The following SRGAP1 variants were observed in gnomAD, a reference collection of about 807,000 sequenced individuals.
SRGAP1 encodes SLIT-ROBO Rho GTPase activating protein 1.
In SRGAP1, 43 loss-of-function variants were observed where a neutral mutation model predicts 121.9. That is an observed-to-expected ratio of 0.35 (90% CI 0.28 to 0.46). SRGAP1 has a LOEUF of 0.46. SRGAP1 is among the 20% of genes least tolerant of loss of function. The pLI is 1.00. For missense variants in SRGAP1, 1,102 were observed against 1,350.9 expected (o/e 0.82, Z 2.89); for synonymous variants, 447 against 485.4 (o/e 0.92, Z 1.04).
chr12:63,949,087 CCATATATGTATTTTCCATATATATACATT>C (rs1301082216), intron 1 of SRGAP1, among the ~76,000 whole-genome samples: 379 of 90,724 alleles, frequency 4.2e-3, no homozygotes, highest in African/African-American at 0.012. Context: ...TATGTATTTT[CCATATATGTATTTTCCATATATATACATT>C]CATATATGTA....
At chr12:64,081,999 G>GTTTTTTT (rs1362308440) in intron 10 of SRGAP1, 2 of 7,510 alleles carry the variant, frequency 2.7e-4, no homozygotes. Context: ...GTCATGTAAG[G>GTTTTTTT]TCTTTTTTTT....
chr12:63,885,804 C>T (rs1900360950), intron 1 of SRGAP1, among the ~76,000 whole-genome samples: 1 of 152,168 alleles, frequency 6.6e-6, no homozygotes, highest in Non-Finnish European at 1.5e-5. Context: ...GCACCAAGGG[C>T]TATTGGAAGT....
chr12:63,868,064 TTTTTTTTTTTTTTTG>T (rs1899710943), intron 1 of SRGAP1, among the ~76,000 whole-genome samples: 2 of 94,948 alleles, frequency 2.1e-5, no homozygotes, highest in East Asian at 4.6e-4. Context: ...ATATTTTTTT[TTTTTTTTTTTTTTTG>T]TTTTTTTTTT....
chr12:64,076,881 C>T (rs1230008594), intron 8 of SRGAP1, among the ~76,000 whole-genome samples: 1 of 151,894 alleles, frequency 6.6e-6, no homozygotes, highest in Non-Finnish European at 1.5e-5. Flanking sequence ...TGACCTCAAG[C>T]GATCCACCGC....
chr12:64,093,953 T>C (rs1406771035), intron 12 of SRGAP1, among the ~76,000 whole-genome samples: 1 of 152,206 alleles, frequency 6.6e-6, no homozygotes, highest in East Asian at 1.9e-4. Context: ...GGATTCTGAA[T>C]TGTTCTAATA....
intron 8 of SRGAP1, among the ~76,000 whole-genome samples, chr12:64,068,290 AAAAAAAG>A (rs1179735857): frequency 4.5e-5 from 5 of 111,922 alleles, no homozygotes; most frequent in African/African-American, 1.5e-4. Flanking sequence ...AAAAAAAAAA[AAAAAAAG>A]TAGTAGGCAC....
At chr12:64,065,487 A>C (rs1308094471) in intron 8 of SRGAP1, among the ~76,000 whole-genome samples, 1 of 152,258 alleles carries the variant, frequency 6.6e-6, no homozygotes, top group Non-Finnish European at 1.5e-5. Flanking sequence ...TACTGAAAAT[A>C]GTTCCCGTGG....
At chr12:63,948,316 A>G (rs2032117484) in intron 1 of SRGAP1, among the ~76,000 whole-genome samples, 1 of 151,998 alleles carries the variant, frequency 6.6e-6, no homozygotes, top group Non-Finnish European at 1.5e-5. Context: ...CCTTCCTGTC[A>G]TGATTTGAGA....
intron 1 of SRGAP1, among the ~76,000 whole-genome samples, chr12:63,937,821 C>T (rs1383165989): frequency 1.3e-5 from 2 of 152,222 alleles, no homozygotes; most frequent in East Asian, 1.9e-4. Context: ...CTTTCTTATT[C>T]TTTATTCTTT....
intron 10 of SRGAP1, chr12:64,081,908 T>C (rs1027575037): frequency 6.8e-6 from 1 of 147,610 alleles, no homozygotes; most frequent in African/African-American, 2.5e-5. Context: ...AGGTTTGAAC[T>C]TTAAAAAAAA....
chr12:64,150,276 A>C lies in SRGAP1; in HGVS notation c.*7604A>C, dbSNP rs1161616980. ...TGGCAGCATGATCCAGGAGATCGTC[A>C]GCTCTAGGATATTTGCGATCCAATT... On this transcript the variant is annotated 3_prime_UTR_variant, in exon 22 of 22. Coordinates refer to ENST00000355086, the MANE Select transcript of SRGAP1 (RefSeq NM_020762.4). 4 of 152,168 alleles carry C rather than the reference A, an allele frequency of 2.6e-5. No individual in the cohort carries two copies. The highest frequency in any genetic ancestry group is 9.7e-5 in the African/African-American group (4 of 41,422). 9.4% of individuals were successfully genotyped at this position (152,168 alleles called of 1,614,324 possible).
intron 17 of SRGAP1, among the ~76,000 whole-genome samples, chr12:64,114,275 T>G (rs2036480331): frequency 6.6e-6 from 1 of 151,788 alleles, no homozygotes. Flanking sequence ...CTGAGATACA[T>G]GATTTTATTT....
chr12:63,882,151 T>C (rs1900215757), intron 1 of SRGAP1, among the ~76,000 whole-genome samples: 1 of 152,184 alleles, frequency 6.6e-6, no homozygotes, highest in Non-Finnish European at 1.5e-5. Context: ...AATATACACA[T>C]TTTAAGATTT....
chr12:64,039,546 G>A (rs1304610258), intron 4 of SRGAP1, among the ~76,000 whole-genome samples: 1 of 151,814 alleles, frequency 6.6e-6, no homozygotes, highest in Non-Finnish European at 1.5e-5. Flanking sequence ...GTGGCCTGAG[G>A]TGCCTTTTCA....
At chr12:64,117,120 G>A (rs1172871596) in intron 18 of SRGAP1, among the ~76,000 whole-genome samples, 1 of 152,294 alleles carries the variant, frequency 6.6e-6, no homozygotes, top group East Asian at 1.9e-4. Context: ...GCTCCAATGG[G>A]CAGGTTGGTG....
At position 64,149,132 on chromosome 12, in the gene SRGAP1, T is replaced by A. The variant is rs1380341973; in HGVS notation, c.*6460T>A. 1.3e-5 allele frequency: 2 copies of A among 152,344 alleles called. No homozygotes were observed. Among genetic ancestry groups the A allele is most frequent in the South Asian group, 2.1e-4 (1 of 4,828 alleles). The allele number at this position is 152,344 out of a possible 1,614,324, so 9.4% of individuals were successfully genotyped here. A position where few individuals can be genotyped will look rare whatever the true frequency, so the allele number is the denominator to read the frequency against. ...TCCTGATTAAACTTTGGGTAGTATA[T>A]GCAGATATCTTTAAACATGGAGAAA... On this transcript the variant is annotated 3_prime_UTR_variant, in exon 22 of 22. Transcript: ENST00000355086.
chr12:64,082,608 C>T (rs1244111931), intron 10 of SRGAP1, among the ~76,000 whole-genome samples: 2 of 152,108 alleles, frequency 1.3e-5, no homozygotes, highest in African/African-American at 4.8e-5. Flanking sequence ...TGCCACCACG[C>T]CCAGCTAATT....
rs1217485060 is a variant in SRGAP1, at chr12:64,150,346, C to T, written c.*7674C>T. 6.6e-6 allele frequency: 1 copy of T among 152,188 alleles called. No homozygotes were observed. The highest frequency in any genetic ancestry group is 2.4e-5 in the African/African-American group (1 of 41,448). The allele number at this position is 152,188 out of a possible 1,614,324, so 9.4% of individuals were successfully genotyped here. The stretch of plus-strand genomic sequence containing the variant: ...TCCTTCACACCCAACAGCTGTCTAT[C>T]AGGGGTGCTTCCGAGGGTCACTGGG... On this transcript the variant is annotated 3_prime_UTR_variant, in exon 22 of 22. Coordinates refer to ENST00000355086, the MANE Select transcript of SRGAP1 (RefSeq NM_020762.4).
At position 63,844,947 on chromosome 12, in the gene SRGAP1, T is replaced by G; in HGVS notation, c.67+64T>G. 6.6e-7 allele frequency: 1 copy of G among 1,504,772 alleles called. No individual in the cohort carries two copies. Among genetic ancestry groups the G allele is most frequent in the Non-Finnish European group, 9.3e-7 (1 of 1,080,392 alleles). 93.2% of individuals were successfully genotyped at this position (1,504,772 alleles called of 1,614,324 possible). A position where few individuals can be genotyped will look rare whatever the true frequency, so the allele number is the denominator to read the frequency against. ...CTTCTTGTCATTGTGCTCGTGGAGT[T>G]GCGTATCTAACTTGGTGTCTGCGTG... On this transcript the variant is annotated intron_variant, in intron 1 of 21. Transcript: ENST00000355086. The surrounding 1 kb of genome is among the most constrained non-coding windows in gnomAD (Gnocchi z 4.3).
Sources: allele counts gnomAD v4.1 joint callset (sites outside exome capture counted in the v4.1 genomes callset), GRCh38; gene constraint gnomAD v4.1.1; non-coding constraint Gnocchi (gnomAD v3.1); transcripts MANE v1.5; gene names NCBI Gene and HGNC (gene_info 2026-07-23, HGNC 2026-07-21).